Variants in TTLL5 observed in about 807,000 individuals in gnomAD.
TTLL5 encodes tubulin polyglutamylase TTLL5.
Under a neutral mutation model 168.4 loss-of-function variants are expected in TTLL5, and 132 were observed. The observed-to-expected ratio is 0.78, with a 90% CI of 0.68 to 0.91. The LOEUF (loss-of-function observed/expected upper bound fraction) is 0.91. Among genes scored for constraint, TTLL5 ranks in the 40% least tolerant of loss-of-function variants. The pLI is 0.00. For synonymous variants in TTLL5, 546 were observed against 558.6 expected, an observed-to-expected ratio of 0.98 and a Z score of 0.32; for missense variants, 1,545 against 1,581.5, an observed-to-expected ratio of 0.98 and a Z score of 0.39.
chr14:75,887,112 GCA>G (rs2032161956), intron 30 of TTLL5: 1 of 1,115,100 alleles, frequency 9.0e-7, no homozygotes, highest in African/African-American at 1.6e-5. Context: ...TTCTGTGTCA[GCA>G]CCCAGGACAG....
Position 75,766,106 on chromosome 14 carries a change from A to T in TTLL5, c.1753A>T (p.Ser585Cys), listed in dbSNP as rs202108438. The T allele has an allele frequency of 1.9e-6, 3 of 1,613,950 alleles. No individual in the cohort carries two copies. Among genetic ancestry groups the T allele is most frequent in the Admixed American group, 1.7e-5 (1 of 59,998 alleles). ...AATGAATGTTAAAACTGAGACAGAGAGTGAAGAGGAGGAAGAAGTCGCATT... is the reference window on the plus strand; with the variant it reads ...AATGAATGTTAAAACTGAGACAGAGTGTGAAGAGGAGGAAGAAGTCGCATT... ...AEMNVKTETE[S>C]EEEEEVALDN... Residue 585 changes from serine to cysteine, a missense_variant, in exon 20 of 32, where the codon AGT becomes TGT. Physicochemically the swap from Ser to Cys is moderately radical, Grantham distance 112. Coordinates refer to ENST00000298832, the MANE Select transcript of TTLL5 (RefSeq NM_015072.5).
At chr14:75,839,319 C>T (rs1280067830) in intron 28 of TTLL5, among the ~76,000 whole-genome samples, 1 of 152,228 alleles carries the variant, frequency 6.6e-6, no homozygotes, top group Non-Finnish European at 1.5e-5. Flanking sequence ...AGCACCACTT[C>T]ACATTCCCAC....
rs146889412 is a variant in TTLL5 at position 75,863,777 on chromosome 14, A to G, written c.3437A>G (p.Tyr1146Cys). The change falls in exon 29 of 32, where the codon TAT becomes TGT. Residue 1146 changes from tyrosine (Y) to cysteine (C), a missense_variant. Tyr to Cys is a radical substitution (Grantham distance 194). Transcript: ENST00000298832. ...AAGTATCACCCCACAGCAGGCAGCT[A>G]TCAGCTTCAATTTGCCCTGCAGCAA... is the stretch of plus-strand genomic sequence containing the variant. Reference protein sequence around the residue: ...QHKYHPTAGSYQLQFALQQLE... With the variant: ...QHKYHPTAGSCQLQFALQQLE... 83 of 1,613,880 alleles carry G rather than the reference A, an allele frequency of 5.1e-5. No homozygotes were observed. The highest frequency in any genetic ancestry group is 1.7e-5 in the Admixed American group (1 of 59,980).
chr14:75,681,446 T>C (rs1884605546), intron 3 of TTLL5, 99 bp from the exon 4 acceptor site: 1 of 890,850 alleles, frequency 1.1e-6, no homozygotes, highest in East Asian at 2.5e-5. Context: ...AATGGTAGCA[T>C]GTAATGTTAT....
At chr14:75,736,709 C>G (rs1202486335) in intron 15 of TTLL5, among the ~76,000 whole-genome samples, 1 of 152,160 alleles carries the variant, frequency 6.6e-6, no homozygotes, top group Non-Finnish European at 1.5e-5. Context: ...TGTCTTTGAG[C>G]TAGATTCAGT....
chr14:75,832,054 C>T (rs147989577), intron 28 of TTLL5, among the ~76,000 whole-genome samples: 1 of 152,194 alleles, frequency 6.6e-6, no homozygotes, highest in African/African-American at 2.4e-5. Flanking sequence ...GGGTGTCACT[C>T]TTGAGGCTAG....
chr14:75,779,797 T>A, intron 24 of TTLL5, 95 bp downstream of exon 24: 1 of 1,286,094 alleles, frequency 7.8e-7, no homozygotes, highest in Non-Finnish European at 1.1e-6. Context: ...GGCTAAGCAC[T>A]AATAGTCCCC....
intron 30 of TTLL5, among the ~76,000 whole-genome samples, chr14:75,883,714 A>C (rs1424224308): frequency 2.0e-5 from 3 of 152,252 alleles, no homozygotes; most frequent in Non-Finnish European, 4.4e-5. Context: ...TGTTTTAATT[A>C]TATTGCTGCC....
chr14:75,745,316 GAA>G (rs1889536523), intron 16 of TTLL5, 108 bp downstream of exon 16: 4 of 1,266,336 alleles, frequency 3.2e-6, no homozygotes, highest in Non-Finnish European at 1.1e-6. Flanking sequence ...ATTGAAAAGA[GAA>G]AGATTCAAGA....
At chr14:75,852,500 A>C (rs940331503) in intron 28 of TTLL5, among the ~76,000 whole-genome samples, 1 of 152,144 alleles carries the variant, frequency 6.6e-6, no homozygotes, top group Non-Finnish European at 1.5e-5. Flanking sequence ...AAGTTCACAT[A>C]GTTTTTCCAG....
intron 12 of TTLL5, among the ~76,000 whole-genome samples, chr14:75,728,106 A>T (rs1459724078): frequency 6.6e-6 from 1 of 152,244 alleles, no homozygotes; most frequent in Non-Finnish European, 1.5e-5. Context: ...CTGTAATCCC[A>T]GCACTTTGGG....
At chr14:75,741,492 A>T (rs1037843032) in intron 15 of TTLL5, among the ~76,000 whole-genome samples, 2 of 146,176 alleles carry the variant, frequency 1.4e-5, no homozygotes, top group African/African-American at 2.5e-5. Flanking sequence ...CTTGTTTTTG[A>T]TAGTCTTGGT....
In TTLL5 at chr14:75,919,197, CAAAA is replaced by C. The variant is rs10655974; in HGVS notation, c.3823+16994_3823+16997del. Among the ~76,000 whole-genome samples, 98 of 56,104 alleles carry C rather than the reference CAAAA, an allele frequency of 1.7e-3. 1 individual carries two copies. Among genetic ancestry groups the C allele is most frequent in the African/African-American group, 3.7e-3 (54 of 14,558 alleles). 36.8% of individuals were successfully genotyped at this position (56,104 alleles called of 152,430 possible). A position where few individuals can be genotyped will look rare whatever the true frequency, so the allele number is the denominator to read the frequency against. On this transcript the variant is annotated intron_variant, in intron 31 of 31. Transcript: ENST00000298832. ...GCCTGGCTCCAGAGCAAGACCGTCT[CAAAA>C]AAAAAAAAAAAAAAAAAAAAGGAAA...
chr14:75,708,989 C>G (rs1016369127), intron 9 of TTLL5, among the ~76,000 whole-genome samples: 1 of 152,118 alleles, frequency 6.6e-6, no homozygotes, highest in African/African-American at 2.4e-5. Flanking sequence ...GCAAAAAACT[C>G]ATAATATTTT....
intron 27 of TTLL5, among the ~76,000 whole-genome samples, chr14:75,812,319 G>A (rs1315522931): frequency 1.3e-5 from 2 of 152,172 alleles, no homozygotes; most frequent in African/African-American, 4.8e-5. Context: ...CTTGTGACCA[G>A]ATTTCCCACA....
intron 31 of TTLL5, among the ~76,000 whole-genome samples, chr14:75,945,496 C>T (rs971888270): frequency 2.0e-5 from 3 of 151,866 alleles, no homozygotes; most frequent in Admixed American, 1.3e-4. Flanking sequence ...ACCTCATGAT[C>T]TGCCCGCCTC....
chr14:75,935,579 G>A (rs1386079445), intron 31 of TTLL5, among the ~76,000 whole-genome samples: 1 of 152,220 alleles, frequency 6.6e-6, no homozygotes, highest in Non-Finnish European at 1.5e-5. Flanking sequence ...CTAAAAAGAT[G>A]TGTTGGGATT....
intron 30 of TTLL5, among the ~76,000 whole-genome samples, chr14:75,890,948 T>C (rs1031566096): frequency 4.6e-5 from 7 of 152,196 alleles, no homozygotes; most frequent in African/African-American, 1.7e-4. Flanking sequence ...CTTGATCTCC[T>C]GACCTCATGA....
At chr14:75,717,754 A>C in intron 9 of TTLL5, 107 bp from the exon 10 acceptor site, 1 of 978,056 alleles carries the variant, frequency 1.0e-6, no homozygotes, top group Non-Finnish European at 1.5e-6. Context: ...GGTATTTGTT[A>C]GGTAATGATA....
Sources: allele counts gnomAD v4.1 joint callset (sites outside exome capture counted in the v4.1 genomes callset), GRCh38; gene constraint gnomAD v4.1.1; transcripts MANE v1.5; gene names NCBI Gene and HGNC (gene_info 2026-07-23, HGNC 2026-07-21).